CEP192: variants seen among roughly 807,000 people sequenced by gnomAD.
The protein encoded by CEP192 is centrosomal protein of 192 kDa.
A neutral mutation model predicts 271.8 loss-of-function variants in CEP192; 151 were observed. That is an observed-to-expected ratio of 0.56 (90% CI 0.49 to 0.64). CEP192 has a LOEUF of 0.64. Ranked by LOEUF, CEP192 falls within the 30% of genes least tolerant of loss-of-function variation. CEP192 has a pLI of 0.00. For missense variants in CEP192, 2,910 were observed against 3,020.5 expected (o/e 0.96, Z 0.86); for synonymous variants, 995 against 1,076.5 (o/e 0.92, Z 1.48).
intron 42 of CEP192, among the ~76,000 whole-genome samples, 192 bp from the exon 43 acceptor site, chr18:13,116,185 C>T (rs1404422807): frequency 3.3e-5 from 5 of 152,148 alleles, no homozygotes; most frequent in Admixed American, 3.3e-4. Context: ...TATCCAGCAC[C>T]CTTTATGAGA....
chr18:13,081,365 G>C (rs558586609), intron 30 of CEP192, among the ~76,000 whole-genome samples: 2 of 152,314 alleles, frequency 1.3e-5, no homozygotes, highest in South Asian at 4.1e-4. Flanking sequence ...TTAGTCTTGG[G>C]AGGATGTATG....
intron 14 of CEP192, among the ~76,000 whole-genome samples, chr18:13,041,374 C>T (rs932485894): frequency 6.6e-6 from 1 of 152,016 alleles, no homozygotes; most frequent in Non-Finnish European, 1.5e-5. Flanking sequence ...TTGGAATTAT[C>T]ATGCAGCTAC....
intron 40 of CEP192, among the ~76,000 whole-genome samples, chr18:13,105,809 C>T (rs932314923): frequency 1.3e-5 from 2 of 152,240 alleles, no homozygotes; most frequent in African/African-American, 4.8e-5. Context: ...AGAAGCAAAG[C>T]AGAAGAACAG....
chr18:13,051,938 A>G (rs1458529138), intron 17 of CEP192, among the ~76,000 whole-genome samples: 1 of 152,242 alleles, frequency 6.6e-6, no homozygotes, highest in Non-Finnish European at 1.5e-5. Context: ...CAAAAAAGAA[A>G]GATGGTGGAA....
intron 36 of CEP192, among the ~76,000 whole-genome samples, chr18:13,098,908 G>A (rs1056217794): frequency 2.6e-5 from 4 of 152,198 alleles, no homozygotes; most frequent in South Asian, 2.1e-4. Flanking sequence ...CTGAGTGAAC[G>A]AGACTCCGTC....
In CEP192 at chr18:13,087,192, A is replaced by G. The variant is rs760266329; in HGVS notation, c.5792A>G (p.Lys1931Arg). The G allele has an allele frequency of 5.0e-6, 8 of 1,614,006 alleles. No homozygotes were observed. The highest frequency in any genetic ancestry group is 3.3e-5 in the Admixed American group (2 of 60,022). ...RAAFVKAVGF[K>R]DSQKKVLLDP... is the part of the protein sequence containing the mutation. ...GCTTTTGTTAAAGCAGTAGGTTTTA[A>G]GGATTCTCAGAAAAAAGTTTTGCTG... The change falls in exon 31 of 45, where the codon AAG becomes AGG. Residue 1931 changes from lysine (K) to arginine (R), a missense_variant. By Grantham distance (26) the Lys-to-Arg change is conservative (BLOSUM62 2). Transcript: ENST00000506447.
intron 14 of CEP192, among the ~76,000 whole-genome samples, chr18:13,041,304 A>G (rs999364065): frequency 1.3e-5 from 2 of 152,178 alleles, no homozygotes; most frequent in African/African-American, 4.8e-5. Context: ...TTAGACTATG[A>G]TAATCTATGA....
chr18:13,004,997 G>A (rs2033890847), intron 3 of CEP192, among the ~76,000 whole-genome samples: 1 of 152,160 alleles, frequency 6.6e-6, no homozygotes, highest in Admixed American at 6.5e-5. Flanking sequence ...GGTTGGAGGT[G>A]CAGGTGGGGT....
chr18:13,012,939 TG>T, intron 4 of CEP192, 33 bp from the exon 5 acceptor site: 1 of 1,242,086 alleles, frequency 8.1e-7, no homozygotes, highest in Non-Finnish European at 1.1e-6. Flanking sequence ...TAAAATAACC[TG>T]GTCTCTCAGT....
rs2039564794 is a variant in CEP192, at chr18:13,098,951, G to T, written c.6558-525G>T. On this transcript the variant is annotated intron_variant, in intron 36 of 44. Transcript: ENST00000506447. ...CCGGCACCTCGGGAGGCTGAGGCTG[G>T]CAGATCACTTGTGTTTAGGAGCTGG... is the stretch of plus-strand genomic sequence containing the variant. 2.6e-5 allele frequency among the ~76,000 whole-genome samples: 4 copies of T among 152,216 alleles called. No individual in the cohort carries two copies. In the South Asian group the frequency reaches 8.3e-4, roughly 31 times the overall value.
At chr18:13,037,019 C>A (rs8097038) in intron 11 of CEP192, among the ~76,000 whole-genome samples, 107,392 of 152,138 alleles carry the variant, frequency 0.71, 39,116 homozygotes, top group African/African-American at 0.89. Context: ...AATTGGGGTA[C>A]GTTAGTGACA....
At chr18:13,000,091 C>CTTTTTTTTTTTTTTTTT (rs775544715) in intron 2 of CEP192, among the ~76,000 whole-genome samples, 1 of 76,750 alleles carries the variant, frequency 1.3e-5, no homozygotes, top group African/African-American at 4.3e-5. Context: ...TGTCTTCTCT[C>CTTTTTTTTTTTTTTTTT]TTTTTTTTTT....
At chr18:13,113,489 T>G (rs2040298113) in intron 40 of CEP192, 97 bp from the exon 41 acceptor site, 1 of 1,237,708 alleles carries the variant, frequency 8.1e-7, no homozygotes, top group Non-Finnish European at 1.2e-6. Context: ...CATTTGTTCC[T>G]TTAATTTTTT....
At chr18:13,082,056 T>C (rs1279881805) in intron 30 of CEP192, among the ~76,000 whole-genome samples, 1 of 152,224 alleles carries the variant, frequency 6.6e-6, no homozygotes, top group Non-Finnish European at 1.5e-5. Flanking sequence ...AAGTGTGATG[T>C]GGTGCTGAGA....
intron 9 of CEP192, among the ~76,000 whole-genome samples, chr18:13,021,655 A>C (rs1740581527): frequency 6.6e-6 from 1 of 152,172 alleles, no homozygotes; most frequent in Admixed American, 6.5e-5. Flanking sequence ...GGCTGTTGAA[A>C]TTTTGAGAGG....
At chr18:13,024,058 C>T (rs1031123117) in intron 9 of CEP192, among the ~76,000 whole-genome samples, 5 of 151,998 alleles carry the variant, frequency 3.3e-5, no homozygotes, top group South Asian at 2.1e-4. Context: ...AATTTCTTCT[C>T]GCTGGATCTG....
chr18:13,000,091 C>CTCTCTCTTTTTTTTTTT lies in CEP192; in HGVS notation c.164+504_164+505insCTCTCTTTTTTTTTTTT, dbSNP rs1555698196. 3.9e-5 allele frequency among the ~76,000 whole-genome samples: 3 copies of CTCTCTCTTTTTTTTTTT among 76,750 alleles called. 1 individual carries two copies. Among genetic ancestry groups the CTCTCTCTTTTTTTTTTT allele is most frequent in the African/African-American group, 1.3e-4 (3 of 23,460 alleles). The allele number at this position is 76,750 out of a possible 152,430, so 50.4% of individuals were successfully genotyped here. A position where few individuals can be genotyped will look rare whatever the true frequency, so the allele number is the denominator to read the frequency against. ...CTCTGTATAACTCATTGTCTTCTCT[C>CTCTCTCTTTTTTTTTTT]TTTTTTTTTTTTTTTTTTTTTTTTT... On this transcript the variant is annotated intron_variant, in intron 2 of 44. Transcript: ENST00000506447.
chr18:13,124,500 A>T, intron 44 of CEP192, 132 bp from the exon 45 acceptor site: 1 of 739,984 alleles, frequency 1.4e-6, no homozygotes, highest in Non-Finnish European at 2.0e-6. Flanking sequence ...CCAAGAAATC[A>T]TAAATACATT....
chr18:13,073,937 A>C (rs1451444163), intron 30 of CEP192, among the ~76,000 whole-genome samples: 1 of 152,208 alleles, frequency 6.6e-6, no homozygotes, highest in African/African-American at 2.4e-5. Context: ...AAGAGTTTTT[A>C]TGCTTTTTAA....
Sources: allele counts gnomAD v4.1 joint callset (sites outside exome capture counted in the v4.1 genomes callset), GRCh38; gene constraint gnomAD v4.1.1; transcripts MANE v1.5; gene names NCBI Gene and HGNC (gene_info 2026-07-23, HGNC 2026-07-21).